DAB1: variants seen among roughly 807,000 people sequenced by gnomAD.
DAB1 encodes the protein disabled homolog 1.
Under a neutral mutation model 64.6 loss-of-function variants are expected in DAB1, and 15 were observed. The observed-to-expected ratio is 0.23, with a 90% CI of 0.16 to 0.36. The LOEUF (loss-of-function observed/expected upper bound fraction) is 0.36, where lower values mean the gene tolerates loss of function less well. Among genes scored for constraint, DAB1 ranks in the 10% least tolerant of loss-of-function variants. DAB1 has a pLI of 1.00. For synonymous variants in DAB1, 235 were observed against 251.9 expected (o/e 0.93, Z 0.64); for missense variants, 596 against 706.7 (o/e 0.84, Z 1.78).
intron 11 of DAB1, among the ~76,000 whole-genome samples, chr1:57,022,537 T>C (rs1417232206): frequency 1.3e-5 from 2 of 152,242 alleles, no homozygotes; most frequent in Non-Finnish European, 2.9e-5. Flanking sequence ...AGCTCATGAG[T>C]AATAACCGTA....
chr1:57,328,678 G>T (rs769676866), intron 1 of DAB1, among the ~76,000 whole-genome samples: 1 of 152,196 alleles, frequency 6.6e-6, no homozygotes, highest in Non-Finnish European at 1.5e-5. Flanking sequence ...GCCATGCCAT[G>T]ATTCAATTCT....
chr1:57,581,605 T>C (rs1645312744), intron 7 of DAB1, among the ~76,000 whole-genome samples: 1 of 151,780 alleles, frequency 6.6e-6, no homozygotes, highest in Non-Finnish European at 1.5e-5. Flanking sequence ...GAGATATACA[T>C]GAAATCATTT....
At chr1:57,966,601 C>T (rs757726475) in intron 5 of DAB1, among the ~76,000 whole-genome samples, 3 of 152,154 alleles carry the variant, frequency 2.0e-5, no homozygotes, top group African/African-American at 7.2e-5. Flanking sequence ...TGAGAAATAA[C>T]ACATTGTTAT....
intron 1 of DAB1, among the ~76,000 whole-genome samples, chr1:57,374,134 A>G (rs888275156): frequency 1.3e-5 from 2 of 152,168 alleles, no homozygotes; most frequent in Non-Finnish European, 2.9e-5. Context: ...AAACAAACCA[A>G]AAAATGCTTT....
intron 3 of DAB1, among the ~76,000 whole-genome samples, chr1:58,445,503 C>A (rs1244907708): frequency 6.6e-6 from 1 of 152,182 alleles, no homozygotes; most frequent in Non-Finnish European, 1.5e-5. Flanking sequence ...CCTTCTCTGG[C>A]CTGGAGGAAG....
intron 2 of DAB1, among the ~76,000 whole-genome samples, chr1:57,233,252 A>ATTTTTTT (rs1667824189): frequency 7.0e-5 from 4 of 56,898 alleles, no homozygotes; most frequent in East Asian, 7.6e-4. Context: ...CTTTGCTCCG[A>ATTTTTTT]TTCTTTTTTT....
chr1:58,063,765 A>G (rs752846249), intron 5 of DAB1, among the ~76,000 whole-genome samples: 3 of 152,210 alleles, frequency 2.0e-5, no homozygotes, highest in East Asian at 1.9e-4. Flanking sequence ...GATCATCGCT[A>G]TATTTCACAA....
At chr1:58,392,738 G>A (rs575033594) in intron 3 of DAB1, among the ~76,000 whole-genome samples, 7 of 152,194 alleles carry the variant, frequency 4.6e-5, no homozygotes, top group Non-Finnish European at 1.0e-4. Context: ...TCTTAACCCT[G>A]TCGTTGGACT....
chr1:58,019,645 G>T (rs1331453535), intron 5 of DAB1, among the ~76,000 whole-genome samples: 2 of 152,134 alleles, frequency 1.3e-5, no homozygotes, highest in African/African-American at 4.8e-5. Flanking sequence ...GATGTGACTT[G>T]CTCAGTATCA....
intron 4 of DAB1, among the ~76,000 whole-genome samples, chr1:58,324,841 T>C (rs1052403856): frequency 6.6e-6 from 1 of 152,114 alleles, no homozygotes; most frequent in Non-Finnish European, 1.5e-5. Flanking sequence ...CCTACCTATA[T>C]ATGCACTGTG....
intron 2 of DAB1, among the ~76,000 whole-genome samples, chr1:57,281,057 C>G (rs1256482186): frequency 1.3e-5 from 2 of 152,034 alleles, no homozygotes; most frequent in Non-Finnish European, 2.9e-5. Flanking sequence ...TGAGATTTTT[C>G]GTGGCCGTAA....
intron 7 of DAB1, among the ~76,000 whole-genome samples, chr1:57,594,836 G>A (rs929731749): frequency 3.3e-5 from 5 of 151,796 alleles, no homozygotes; most frequent in African/African-American, 9.7e-5. Context: ...TCAGCCTCCC[G>A]AGTAGCTGGG....
intron 4 of DAB1, among the ~76,000 whole-genome samples, chr1:58,283,600 T>C (rs1484966208): frequency 2.6e-5 from 4 of 152,222 alleles, no homozygotes; most frequent in Non-Finnish European, 4.4e-5. Flanking sequence ...TGTGCAAACT[T>C]GCGCGAGTCA....
At chr1:57,464,890 T>C (rs980918217) in intron 7 of DAB1, among the ~76,000 whole-genome samples, 4 of 152,108 alleles carry the variant, frequency 2.6e-5, no homozygotes, top group African/African-American at 9.7e-5. Context: ...TTTTTTTTTT[T>C]TCTGTGAACC....
rs112350560 is a variant in DAB1 at position 57,184,697 on chromosome 1, T to G, written c.68-39268A>C. ...CCCACCAAATCACACCTGGATCATGTACTCCACAAACCCTGTGCTCCTGGG... is the reference window on the plus strand; with the variant it reads ...CCCACCAAATCACACCTGGATCATGGACTCCACAAACCCTGTGCTCCTGGG... On this transcript the variant is annotated intron_variant, in intron 2 of 14. Transcript: ENST00000371236. Among the ~76,000 whole-genome samples, 757 of 152,272 alleles carry G rather than the reference T, an allele frequency of 5.0e-3. 5 individuals are homozygous for G. Among genetic ancestry groups the G allele is most frequent in the African/African-American group, 0.016 (681 of 41,548 alleles).
chr1:57,986,153 G>C (rs899970233), intron 5 of DAB1, among the ~76,000 whole-genome samples: 2 of 152,094 alleles, frequency 1.3e-5, no homozygotes, highest in Admixed American at 6.5e-5. Flanking sequence ...GAGCTAAAAG[G>C]GGGAGGAGGA....
chr1:58,081,817 T>C (rs553687439), intron 5 of DAB1, among the ~76,000 whole-genome samples: 27 of 152,328 alleles, frequency 1.8e-4, no homozygotes, highest in African/African-American at 6.5e-4. Flanking sequence ...TCTCTTTTTT[T>C]TCCCCCACTT....
At chr1:58,289,654 A>T (rs952615246) in intron 4 of DAB1, among the ~76,000 whole-genome samples, 1 of 152,196 alleles carries the variant, frequency 6.6e-6, no homozygotes, top group Non-Finnish European at 1.5e-5. Flanking sequence ...TTCCCAGTGA[A>T]TATTAAATAG....
intron 6 of DAB1, among the ~76,000 whole-genome samples, chr1:57,664,756 C>T (rs543038252): frequency 6.6e-6 from 1 of 151,940 alleles, no homozygotes; most frequent in Non-Finnish European, 1.5e-5. Flanking sequence ...AATATAAAGC[C>T]ATTAAGTGAT....
Sources: gnomAD v4.1 joint callset for allele counts (sites outside exome capture counted in the v4.1 genomes callset) on GRCh38, gnomAD v4.1.1 for gene constraint, MANE v1.5 for transcripts, NCBI Gene and HGNC (gene_info 2026-07-23, HGNC 2026-07-21) for gene names.